COL24A1: variants seen among roughly 807,000 people sequenced by gnomAD.
The protein encoded by COL24A1 is collagen alpha-1(XXIV) chain.
COL24A1 carries 224 observed loss-of-function variants against 253.9 expected under a neutral mutation model. The observed-to-expected ratio is 0.88, with a 90% CI of 0.79 to 0.99. COL24A1 has a LOEUF of 0.99. Among genes scored for constraint, COL24A1 ranks in the 50% least tolerant of loss-of-function variants. The probability of loss-of-function intolerance (pLI) is 0.00; values close to 1 mark genes in which losing one functional copy is unlikely to be tolerated. For synonymous variants in COL24A1, 685 were observed against 673.7 expected, an observed-to-expected ratio of 1.02 and a Z score of -0.26; for missense variants, 2,131 against 2,068.5, an observed-to-expected ratio of 1.03 and a Z score of -0.59.
intron 31 of COL24A1, among the ~76,000 whole-genome samples, chr1:85,894,809 G>A (rs1326163341): frequency 6.6e-6 from 1 of 152,132 alleles, no homozygotes; most frequent in Non-Finnish European, 1.5e-5. Context: ...GGTATTTTAG[G>A]TTGGATCACT....
At chr1:85,825,342 G>A (rs1238808684) in intron 43 of COL24A1, among the ~76,000 whole-genome samples, 1 of 152,090 alleles carries the variant, frequency 6.6e-6, no homozygotes, top group Non-Finnish European at 1.5e-5. Context: ...ATTTGGGTTG[G>A]TTCCAAGTCT....
chr1:85,871,069 C>T (rs1045878036), intron 35 of COL24A1, among the ~76,000 whole-genome samples: 1 of 152,122 alleles, frequency 6.6e-6, no homozygotes, highest in Non-Finnish European at 1.5e-5. Flanking sequence ...ACTACAAACA[C>T]CCCTATGCAT....
intron 12 of COL24A1, among the ~76,000 whole-genome samples, chr1:86,041,215 A>G (rs142195398): frequency 6.6e-6 from 1 of 152,306 alleles, no homozygotes; most frequent in East Asian, 1.9e-4. Context: ...TCAGAGGAAG[A>G]AAACTAAGTA....
intron 20 of COL24A1, among the ~76,000 whole-genome samples, chr1:85,977,546 T>C (rs762168959): frequency 5.3e-5 from 8 of 152,114 alleles, no homozygotes; most frequent in Admixed American, 1.3e-4. Context: ...CTTCTGGATA[T>C]GAAAGACAAA....
At chr1:86,030,750 CTTTTTTT>C in intron 14 of COL24A1, among the ~76,000 whole-genome samples, 1 of 143,000 alleles carries the variant, frequency 7.0e-6, no homozygotes, top group Admixed American at 6.9e-5. Context: ...TTTTTTCTTT[CTTTTTTT>C]TTTTTTTTGT....
intron 24 of COL24A1, among the ~76,000 whole-genome samples, chr1:85,946,314 C>T (rs1689320406): frequency 6.6e-6 from 1 of 152,142 alleles, no homozygotes. Flanking sequence ...TTCCGCGGGA[C>T]TTCACACCAT....
intron 47 of COL24A1, among the ~76,000 whole-genome samples, chr1:85,805,886 G>A (rs928764473): frequency 4.0e-5 from 6 of 151,782 alleles, no homozygotes; most frequent in South Asian, 2.1e-4. Context: ...CCATCCTGGC[G>A]AACATAGTGA....
rs560527666 is a variant in COL24A1, at chr1:85,732,389, C to A, written c.4999-1697G>T. On this transcript the variant is annotated intron_variant, in intron 59 of 59. Coordinates refer to ENST00000370571, the MANE Select transcript of COL24A1 (RefSeq NM_152890.7). ...GGACTACAGGTGTCTGCCACCACGC[C>A]CGGCTAATTTTTTGTATTTTTAGTA... is the stretch of plus-strand genomic sequence containing the variant. Among the ~76,000 whole-genome samples the A allele has an allele frequency of 5.2e-4, 79 of 152,124 alleles. 1 individual carries two copies. In the South Asian group the frequency reaches 0.016, roughly 32 times the overall value.
rs186758316 is a variant in COL24A1, at chr1:85,936,457, G to A, written c.2562+24792C>T. ...ATGACCCAAGGGGATAAAAGATCTCGTCAGTATGTACTGGTAGGAGAAGGG... is the reference window on the plus strand; with the variant it reads ...ATGACCCAAGGGGATAAAAGATCTCATCAGTATGTACTGGTAGGAGAAGGG... On this transcript the variant is annotated intron_variant, in intron 24 of 59. Coordinates refer to ENST00000370571, the MANE Select transcript of COL24A1 (RefSeq NM_152890.7). 2.4e-3 allele frequency among the ~76,000 whole-genome samples: 360 copies of A among 147,562 alleles called. 36 individuals carry two copies. Among genetic ancestry groups the A allele is most frequent in the Non-Finnish European group, 3.6e-3 (240 of 66,642 alleles).
intron 34 of COL24A1, among the ~76,000 whole-genome samples, chr1:85,874,988 G>A (rs1226020473): frequency 1.3e-5 from 2 of 152,168 alleles, no homozygotes; most frequent in African/African-American, 4.8e-5. Context: ...CAGTCCTTAT[G>A]AGAATCTAAT....
rs779890916 is a variant in COL24A1, at chr1:85,911,506, C to T, written c.2563-73G>A. Reference sequence around the variant, plus strand: ...ATTGTAGTGCCTGGGTCTTAAATCACCTGTAATCACTATGTTTCTTTCTAA... The same window carrying T: ...ATTGTAGTGCCTGGGTCTTAAATCATCTGTAATCACTATGTTTCTTTCTAA... On this transcript the variant is annotated intron_variant, in intron 24 of 59. Coordinates refer to ENST00000370571, the MANE Select transcript of COL24A1 (RefSeq NM_152890.7). 111 of 1,129,660 alleles carry T rather than the reference C, an allele frequency of 9.8e-5. 1 individual carries two copies. The highest frequency in any genetic ancestry group is 1.4e-4 in the Non-Finnish European group (104 of 751,944). 70.0% of individuals were successfully genotyped at this position (1,129,660 alleles called of 1,614,324 possible). A position where few individuals can be genotyped will look rare whatever the true frequency, so the allele number is the denominator to read the frequency against.
intron 24 of COL24A1, among the ~76,000 whole-genome samples, chr1:85,926,495 G>A (rs192290387): frequency 1.3e-5 from 2 of 152,146 alleles, no homozygotes; most frequent in Non-Finnish European, 2.9e-5. Flanking sequence ...GCCATAAAAA[G>A]GGTGAGTTCA....
chr1:85,748,592 G>T (rs421014), intron 55 of COL24A1, among the ~76,000 whole-genome samples: 22,830 of 150,502 alleles, frequency 0.15, 2,286 homozygotes, highest in Non-Finnish European at 0.2. Flanking sequence ...CGCAGAAGAC[G>T]GGTGATTTCT....
intron 43 of COL24A1, among the ~76,000 whole-genome samples, chr1:85,824,910 T>A (rs1443953657): frequency 7.8e-5 from 3 of 38,558 alleles, no homozygotes; most frequent in African/African-American, 3.6e-4. Flanking sequence ...TCTTTTATTA[T>A]TATTATTATT....
At chr1:85,863,664 C>T (rs189779376) in intron 37 of COL24A1, among the ~76,000 whole-genome samples, 1 of 152,130 alleles carries the variant, frequency 6.6e-6, no homozygotes, top group East Asian at 1.9e-4. Flanking sequence ...TGACAAAGGG[C>T]TAATATCCAG....
chr1:85,970,303 G>A (rs764915770), intron 21 of COL24A1, 32 bp from the exon 22 acceptor site: 43 of 1,529,558 alleles, frequency 2.8e-5, no homozygotes, highest in Admixed American at 1.1e-4. Context: ...AACATATTAT[G>A]GCCTAAAATG....
At chr1:85,746,535 A>G (rs79814694) in intron 55 of COL24A1, among the ~76,000 whole-genome samples, 5,928 of 152,316 alleles carry the variant, frequency 0.039, 199 homozygotes, top group East Asian at 0.15. Context: ...AATCCTAATT[A>G]CCAATTGAGA....
At chr1:86,098,408 T>C (rs534377968) in intron 5 of COL24A1, among the ~76,000 whole-genome samples, 1 of 27,856 alleles carries the variant, frequency 3.6e-5, no homozygotes, top group African/African-American at 6.2e-5. Flanking sequence ...ATGCTGGATA[T>C]AGATTTTTCA....
In COL24A1 at chr1:85,847,724, G is replaced by T; in HGVS notation, c.3403C>A (p.Pro1135Thr). ...CCACTTTTCCCAATTTTTCCAGGAG[G>T]ACCTCTGCTTCCAACTTCTCCTGTG... is the stretch of plus-strand genomic sequence containing the variant. ...GPTGEVGSRG[P>T]PGKIGKSGPK... is the part of the protein sequence containing the mutation. Residue 1135 changes from proline to threonine, a missense_variant, in exon 39 of 60, where the codon CCT becomes ACT. Coordinates refer to ENST00000370571, the MANE Select transcript of COL24A1 (RefSeq NM_152890.7). 1.2e-6 allele frequency: 2 copies of T among 1,613,696 alleles called. No individual in the cohort carries two copies. The highest frequency in any genetic ancestry group is 1.7e-6 in the Non-Finnish European group (2 of 1,179,774).
Sources: gnomAD v4.1 joint callset for allele counts (sites outside exome capture counted in the v4.1 genomes callset) on GRCh38, gnomAD v4.1.1 for gene constraint, MANE v1.5 for transcripts, NCBI Gene and HGNC (gene_info 2026-07-23, HGNC 2026-07-21) for gene names.